NCOR1: variants seen among roughly 807,000 people sequenced by gnomAD.
The protein encoded by NCOR1 is protein phosphatase 1, regulatory subunit 109.
Under a neutral mutation model 288.1 loss-of-function variants are expected in NCOR1, and 63 were observed. The ratio of observed to expected loss-of-function variants is 0.22; its 90% CI spans 0.18 to 0.27. NCOR1 has a LOEUF of 0.27. NCOR1 is among the 10% of genes least tolerant of loss of function. The pLI is 1.00. For synonymous variants in NCOR1, 1,007 were observed against 1,065.9 expected, an observed-to-expected ratio of 0.94 and a Z score of 1.08; for missense variants, 2,397 against 3,019.2, an observed-to-expected ratio of 0.79 and a Z score of 4.83.
chr17:16,056,083 A>T (rs988197639), intron 40 of NCOR1, among the ~76,000 whole-genome samples: 10 of 137,796 alleles, frequency 7.3e-5, no homozygotes, highest in South Asian at 2.3e-4. Context: ...TTTTTTTTTT[A>T]AAGAAGACCA....
intron 21 of NCOR1, among the ~76,000 whole-genome samples, chr17:16,098,108 G>A (rs563028280): frequency 6.6e-6 from 1 of 152,192 alleles, no homozygotes; most frequent in African/African-American, 2.4e-5. Context: ...AGCGGCAGGA[G>A]GAAGAGAGGA....
In NCOR1 at chr17:16,092,695, A is replaced by AT. The variant is rs1184440315; in HGVS notation, c.2821-638dup. On this transcript the variant is annotated intron_variant, in intron 21 of 45. Transcript: ENST00000268712. ...TATATATATATATATATATATATAT[A>AT]TTTTTTTTTTTTTTTTTTTTTAAGA... Among the ~76,000 whole-genome samples the AT allele has an allele frequency of 2.0e-3, 46 of 22,596 alleles. 2 individuals carry two copies. Among genetic ancestry groups the AT allele is most frequent in the East Asian group, 9.6e-3 (3 of 314 alleles). 14.8% of individuals were successfully genotyped at this position (22,596 alleles called of 152,430 possible). A position where few individuals can be genotyped will look rare whatever the true frequency, so the allele number is the denominator to read the frequency against.
chr17:16,206,638 G>A (rs566643817), intron 1 of NCOR1, among the ~76,000 whole-genome samples: 54 of 152,200 alleles, frequency 3.5e-4, no homozygotes, highest in Non-Finnish European at 6.3e-4. Flanking sequence ...TACCTGCCTC[G>A]GCCTCCCAAA....
At chr17:16,119,302 C>T in intron 17 of NCOR1, 121 bp downstream of exon 17, 1 of 652,534 alleles carries the variant, frequency 1.5e-6, no homozygotes, top group Non-Finnish European at 2.6e-6. Context: ...ACTTCTGAGT[C>T]CTCTTTGCCT....
chr17:16,035,569 TCTGCTGCCCAGGCTGCA>T (rs1312630618), intron 44 of NCOR1, among the ~76,000 whole-genome samples: 3 of 144,156 alleles, frequency 2.1e-5, no homozygotes, highest in Non-Finnish European at 4.5e-5. Flanking sequence ...GGGTCTCACC[TCTGCTGCCCAGGCTGCA>T]CTGCAGTGGC....
Position 16,121,083 on chromosome 17 carries a change from G to C in NCOR1, c.1821C>G (p.Pro607=), listed in dbSNP as rs1160836654. The part of the protein sequence containing the change: ...SAAAAAATEE[P]PPPLPPPPEP... The stretch of plus-strand genomic sequence containing the variant: ...CTGGTGGCGGTGGCAGAGGTGGTGG[G>C]GGCTCTTCAGTAGCCGCTGCGGCTG... Residue 607 remains proline, a synonymous_variant, in exon 16 of 46, where the codon CCC becomes CCG. Transcript: ENST00000268712. The C allele has an allele frequency of 2.5e-6, 4 of 1,613,816 alleles. No homozygotes were observed. The highest frequency in any genetic ancestry group is 3.4e-6 in the Non-Finnish European group (4 of 1,179,932).
chr17:16,069,466 A>G (rs2061496401), intron 31 of NCOR1, among the ~76,000 whole-genome samples: 2 of 152,232 alleles, frequency 1.3e-5, no homozygotes, highest in Non-Finnish European at 2.9e-5. Flanking sequence ...ATAATAAAAA[A>G]TGGTAAGTGG....
At chr17:16,120,704 G>C (rs2072823490) in intron 16 of NCOR1, among the ~76,000 whole-genome samples, 1 of 151,082 alleles carries the variant, frequency 6.6e-6, no homozygotes, top group Admixed American at 6.6e-5. Context: ...TTAAAAGCAG[G>C]GAAGAGGGCA....
At chr17:16,154,353 T>C (rs1297418180) in intron 6 of NCOR1, among the ~76,000 whole-genome samples, 1 of 152,192 alleles carries the variant, frequency 6.6e-6, no homozygotes, top group Non-Finnish European at 1.5e-5. Flanking sequence ...TAGAAGTAAA[T>C]AATTCTTCAA....
intron 5 of NCOR1, 147 bp from the exon 6 acceptor site, chr17:16,159,020 A>G (rs1187316563): frequency 6.3e-6 from 3 of 476,436 alleles, no homozygotes; most frequent in Non-Finnish European, 1.1e-5. Flanking sequence ...ATGGACCAAG[A>G]GCTCAAAGAG....
intron 3 of NCOR1, among the ~76,000 whole-genome samples, chr17:16,185,071 C>G (rs1568543307): frequency 1.4e-5 from 2 of 146,680 alleles, no homozygotes; most frequent in Non-Finnish European, 3.0e-5. Flanking sequence ...CAGTGGTTAC[C>G]AGGGGCAGGG....
At position 16,155,860 on chromosome 17, in the gene NCOR1, T is replaced by C. The variant is rs116284866; in HGVS notation, c.733-2465A>G. 4.1e-3 allele frequency among the ~76,000 whole-genome samples: 630 copies of C among 152,306 alleles called. 7 individuals are homozygous for C. Among genetic ancestry groups the C allele is most frequent in the African/African-American group, 0.015 (608 of 41,578 alleles). On this transcript the variant is annotated intron_variant, in intron 6 of 45. Coordinates refer to ENST00000268712, the MANE Select transcript of NCOR1 (RefSeq NM_006311.4). Reference sequence around the variant, plus strand: ...AGGGAGGGCCTTTCAAAAGGCAGCATACTGGGGCAGAAAAAGCCTTGGGGA... The same window carrying C: ...AGGGAGGGCCTTTCAAAAGGCAGCACACTGGGGCAGAAAAAGCCTTGGGGA...
chr17:16,214,096 C>A (rs1215637238), intron 1 of NCOR1, among the ~76,000 whole-genome samples: 3 of 152,168 alleles, frequency 2.0e-5, no homozygotes, highest in African/African-American at 7.2e-5. Flanking sequence ...ATTTCTCTCT[C>A]CAGTAACTTG....
intron 6 of NCOR1, 124 bp from the exon 7 acceptor site, chr17:16,153,519 C>T (rs1185664594): frequency 1.8e-6 from 1 of 565,030 alleles, no homozygotes; most frequent in African/African-American, 1.9e-5. Context: ...TTCCAAATAT[C>T]CTTCTTCTAT....
chr17:16,044,902 C>A, intron 42 of NCOR1: 1 of 691,020 alleles, frequency 1.4e-6, no homozygotes, highest in African/African-American at 1.8e-5. Context: ...AAAGTGGAAG[C>A]AAACAAAGAA....
intron 3 of NCOR1, among the ~76,000 whole-genome samples, chr17:16,182,428 A>T (rs1436018795): frequency 1.3e-5 from 2 of 152,060 alleles, no homozygotes; most frequent in African/African-American, 4.8e-5. Flanking sequence ...ATCACAGAAA[A>T]CTTAAATAAA....
intron 1 of NCOR1, among the ~76,000 whole-genome samples, chr17:16,214,550 TTAA>T (rs2092395101): frequency 2.0e-5 from 3 of 152,162 alleles, no homozygotes; most frequent in African/African-American, 7.2e-5. Context: ...CTCTCCAAGG[TTAA>T]CTCTGTGGAA....
intron 23 of NCOR1, among the ~76,000 whole-genome samples, chr17:16,086,041 A>G (rs995658664): frequency 1.3e-5 from 2 of 152,188 alleles, no homozygotes; most frequent in African/African-American, 4.8e-5. Flanking sequence ...GCCAAGTGCC[A>G]AGTGTAATTA....
In NCOR1 at chr17:16,034,613, A is replaced by G. The variant is rs1973719576; in HGVS notation, c.7135+152T>C. ...ACAGAACAAGACCCCTCAAAAAAAT[A>G]CTTCTATTCGGGAAAGTGGAACATA... On this transcript the variant is annotated intron_variant, in intron 45 of 45. Transcript: ENST00000268712. 4 of 716,186 alleles carry G rather than the reference A, an allele frequency of 5.6e-6. No homozygotes were observed. In the East Asian group the frequency reaches 1.1e-4, roughly 19 times the overall value. The allele number at this position is 716,186 out of a possible 1,614,324, so 44.4% of individuals were successfully genotyped here.
Sources: allele counts gnomAD v4.1 joint callset (sites outside exome capture counted in the v4.1 genomes callset), GRCh38; gene constraint gnomAD v4.1.1; transcripts MANE v1.5; gene names NCBI Gene and HGNC (gene_info 2026-07-23, HGNC 2026-07-21).